Variants in RPTOR observed in about 807,000 individuals in gnomAD.
The protein encoded by RPTOR is regulatory-associated protein of mTOR.
RPTOR carries 21 observed loss-of-function variants against 169.9 expected under a neutral mutation model. The observed-to-expected ratio is 0.12, with a 90% CI of 0.09 to 0.18. The LOEUF (loss-of-function observed/expected upper bound fraction) is 0.18, where lower values mean the gene tolerates loss of function less well. Ranked by LOEUF, RPTOR falls within the 10% of genes least tolerant of loss-of-function variation. RPTOR has a pLI of 1.00. For missense variants in RPTOR, 1,133 were observed against 1,855.9 expected (o/e 0.61, Z 7.16); for synonymous variants, 732 against 753.2 (o/e 0.97, Z 0.46).
At chr17:80,647,597 T>C (rs934162569) in intron 3 of RPTOR, among the ~76,000 whole-genome samples, 6 of 152,192 alleles carry the variant, frequency 3.9e-5, no homozygotes, top group African/African-American at 1.4e-4. Context: ...TGAGCTTTAA[T>C]TCTTCTGGTG....
chr17:80,883,603 C>A, intron 15 of RPTOR, 119 bp downstream of exon 15: 1 of 1,222,058 alleles, frequency 8.2e-7, no homozygotes, highest in Non-Finnish European at 1.2e-6. Context: ...AGGCTCTGAC[C>A]CTTCATCTAG....
At chr17:80,792,934 C>G (rs1255632317) in intron 7 of RPTOR, among the ~76,000 whole-genome samples, 2 of 152,004 alleles carry the variant, frequency 1.3e-5, no homozygotes, top group Non-Finnish European at 2.9e-5. Flanking sequence ...TATCCCAAAT[C>G]TAAAAATCCA....
chr17:80,937,037 G>A (rs1336561444), intron 24 of RPTOR, among the ~76,000 whole-genome samples: 1 of 152,192 alleles, frequency 6.6e-6, no homozygotes, highest in Non-Finnish European at 1.5e-5. Flanking sequence ...GGACTTTATT[G>A]TTCAGTGGGG....
chr17:80,751,966 A>G (rs9902639), intron 5 of RPTOR, among the ~76,000 whole-genome samples: 64,584 of 152,070 alleles, frequency 0.42, 14,403 homozygotes, highest in Non-Finnish European at 0.49. Context: ...AATGCTTTCC[A>G]TTACAGCCGA....
rs767153596 is a variant in RPTOR, at chr17:80,883,825, G to A, written c.1695G>A (p.Gln565=). The A allele has an allele frequency of 1.9e-6, 3 of 1,613,596 alleles. No individual in the cohort carries two copies. The highest frequency in any genetic ancestry group is 1.3e-5 in the African/African-American group (1 of 74,952). The change falls in exon 16 of 34, where the codon CAG becomes CAA. Residue 565 remains glutamine, a synonymous_variant. Coordinates refer to ENST00000306801, the MANE Select transcript of RPTOR (RefSeq NM_020761.3). ...QGNLIAICLE[Q]LNDPHPLLRQ... ...ACCTCATTGCCATCTGCCTGGAGCA[G>A]CTCAACGACCCGCACCCCTTGCTGC...
intron 1 of RPTOR, among the ~76,000 whole-genome samples, chr17:80,586,100 G>A (rs887161885): frequency 6.6e-6 from 1 of 152,130 alleles, no homozygotes; most frequent in African/African-American, 2.4e-5. Context: ...CGCTAGGCAG[G>A]ATGTTGCGAG....
rs1301817351 is a variant in RPTOR, at chr17:80,730,531, G to A, written c.508-29G>A. On this transcript the variant is annotated intron_variant, in intron 4 of 33. Coordinates refer to ENST00000306801, the MANE Select transcript of RPTOR (RefSeq NM_020761.3). This position sits in a 1 kb window ranked among gnomAD's most constrained non-coding sequence, Gnocchi z 4.2. The stretch of plus-strand genomic sequence containing the variant: ...CAGCCCATATTCCTGAGACGCACAT[G>A]TAACGAGCGCACTTTGTGTGTTTTC... 6 of 1,607,198 alleles carry A rather than the reference G, an allele frequency of 3.7e-6. No homozygotes were observed. Among genetic ancestry groups the A allele is most frequent in the Non-Finnish European group, 5.1e-6 (6 of 1,174,100 alleles).
chr17:80,694,829 T>C (rs955817201), intron 3 of RPTOR, among the ~76,000 whole-genome samples: 1 of 152,184 alleles, frequency 6.6e-6, no homozygotes. Flanking sequence ...ACAGCCTCTC[T>C]GGCACTCATG....
At chr17:80,664,065 G>A (rs1367138417) in intron 3 of RPTOR, among the ~76,000 whole-genome samples, 2 of 152,082 alleles carry the variant, frequency 1.3e-5, no homozygotes, top group African/African-American at 4.8e-5. Flanking sequence ...CAAAATGCAG[G>A]CCTCCTCCAG....
At chr17:80,630,777 C>G (rs2065436164) in intron 2 of RPTOR, among the ~76,000 whole-genome samples, 1 of 152,236 alleles carries the variant, frequency 6.6e-6, no homozygotes, top group South Asian at 2.1e-4. Flanking sequence ...AGGGGGTTTT[C>G]CCAGGGCTCC....
At chr17:80,758,747 C>T (rs1017816950) in intron 6 of RPTOR, among the ~76,000 whole-genome samples, 3 of 152,068 alleles carry the variant, frequency 2.0e-5, no homozygotes, top group Non-Finnish European at 4.4e-5. Context: ...ATCAACACCA[C>T]ACCAGCTCTG....
chr17:80,850,534 A>C (rs6565483), intron 11 of RPTOR, among the ~76,000 whole-genome samples: 30,235 of 152,132 alleles, frequency 0.2, 4,542 homozygotes, highest in African/African-American at 0.42. Context: ...CTCAACCTCC[A>C]GAGTAGCTGG....
intron 5 of RPTOR, among the ~76,000 whole-genome samples, chr17:80,743,854 G>GCCCTGGCTACT (rs2066519873): frequency 5.5e-5 from 1 of 18,346 alleles, no homozygotes; most frequent in African/African-American, 2.1e-4. Flanking sequence ...GTTACTAGCA[G>GCCCTGGCTACT]AGCCCTGGCT....
At chr17:80,580,784 G>A (rs543224347) in intron 1 of RPTOR, among the ~76,000 whole-genome samples, 1 of 152,112 alleles carries the variant, frequency 6.6e-6, no homozygotes, top group African/African-American at 2.4e-5. Flanking sequence ...CACCATACCC[G>A]GCTAATTTTT....
chr17:80,712,023 C>T (rs1598247372), intron 4 of RPTOR, among the ~76,000 whole-genome samples: 1 of 152,042 alleles, frequency 6.6e-6, no homozygotes, highest in Non-Finnish European at 1.5e-5. Flanking sequence ...GGATTACAGG[C>T]GTGAGCCACC....
At chr17:80,620,925 C>T (rs906893929) in intron 1 of RPTOR, among the ~76,000 whole-genome samples, 2 of 152,204 alleles carry the variant, frequency 1.3e-5, no homozygotes, top group South Asian at 2.1e-4. Context: ...AGAGCTAACA[C>T]GTTGTTCTAG....
intron 28 of RPTOR, among the ~76,000 whole-genome samples, chr17:80,951,740 G>A (rs945133359): frequency 2.0e-5 from 3 of 152,206 alleles, no homozygotes; most frequent in Non-Finnish European, 1.5e-5. Context: ...ATGGCAGGAC[G>A]CTCGGGCCGA....
At chr17:80,838,061 T>C in intron 10 of RPTOR, 64 bp downstream of exon 10, 1 of 1,396,216 alleles carries the variant, frequency 7.2e-7, no homozygotes, top group Non-Finnish European at 9.9e-7. Context: ...GCACCTGGAC[T>C]GCAAAGCCCC....
intron 1 of RPTOR, among the ~76,000 whole-genome samples, chr17:80,567,020 G>T (rs1252291892): frequency 6.6e-6 from 1 of 151,648 alleles, no homozygotes; most frequent in African/African-American, 2.4e-5. Context: ...ACCCAGGCTG[G>T]AGTCCAATGG....
Sources: gnomAD v4.1 joint callset for allele counts (sites outside exome capture counted in the v4.1 genomes callset) on GRCh38, gnomAD v4.1.1 for gene constraint, Gnocchi (gnomAD v3.1) non-coding constraint, MANE v1.5 for transcripts, NCBI Gene and HGNC (gene_info 2026-07-23, HGNC 2026-07-21) for gene names.